The following THSD7B variants were observed in gnomAD, a reference collection of about 807,000 sequenced individuals.
THSD7B encodes the protein thrombospondin type 1 domain containing 7B, also known as thrombospondin type-1 domain-containing protein 7B.
Under a neutral mutation model 213.6 loss-of-function variants are expected in THSD7B, and 138 were observed. The observed-to-expected ratio is 0.65, with a 90% CI of 0.56 to 0.74. The LOEUF is 0.74. Ranked by LOEUF, THSD7B falls within the 30% of genes least tolerant of loss-of-function variation. The pLI is 0.00. For missense variants in THSD7B, 1,931 were observed against 1,991.5 expected (o/e 0.97, Z 0.58); for synonymous variants, 742 against 687.0 (o/e 1.08, Z -1.25).
chr2:137,324,995 C>T (rs1160121379), intron 12 of THSD7B, among the ~76,000 whole-genome samples: 1 of 152,118 alleles, frequency 6.6e-6, no homozygotes, highest in Non-Finnish European at 1.5e-5. Flanking sequence ...GTTCAGTTTC[C>T]ATGATATGAT....
rs116787537 is a variant in THSD7B, at chr2:137,227,251, A to G, written c.1724-3793A>G. On this transcript the variant is annotated intron_variant, in intron 7 of 27. Transcript: ENST00000409968. ...TTCAAAATCCCAAGTGACACGGTCA[A>G]AGCAGAACGATTTTCCATTTTTCCA... is the stretch of plus-strand genomic sequence containing the variant. Among the ~76,000 whole-genome samples, 251 of 152,332 alleles carry G rather than the reference A, an allele frequency of 1.6e-3. 1 individual carries two copies. The highest frequency in any genetic ancestry group is 5.9e-3 in the African/African-American group (244 of 41,584).
At chr2:136,807,508 C>CTTTTTTTTTTTTTTTTTTTTTTTT (rs1314267493) in intron 1 of THSD7B, among the ~76,000 whole-genome samples, 3 of 49,586 alleles carry the variant, frequency 6.1e-5, no homozygotes, top group African/African-American at 2.5e-4. Flanking sequence ...CAAAATGTTT[C>CTTTTTTTTTTTTTTTTTTTTTTTT]GTTTTTTTTT....
At chr2:137,328,913 A>C (rs920356067) in intron 12 of THSD7B, among the ~76,000 whole-genome samples, 8 of 152,210 alleles carry the variant, frequency 5.3e-5, no homozygotes, top group South Asian at 2.1e-4. Context: ...CTCCCCAGCC[A>C]TGCTGAACTG....
intron 3 of THSD7B, among the ~76,000 whole-genome samples, chr2:137,075,968 C>T (rs1687613016): frequency 6.6e-6 from 1 of 152,126 alleles, no homozygotes; most frequent in Admixed American, 6.5e-5. Flanking sequence ...GAGGAGTACC[C>T]GGCCGTGTAA....
intron 15 of THSD7B, among the ~76,000 whole-genome samples, chr2:137,458,833 C>T (rs1687822538): frequency 6.6e-6 from 1 of 152,094 alleles, no homozygotes; most frequent in African/African-American, 2.4e-5. Context: ...GCACTGTCTC[C>T]ATAAACTTTT....
intron 12 of THSD7B, among the ~76,000 whole-genome samples, chr2:137,391,769 C>A (rs1392525878): frequency 6.7e-6 from 1 of 149,320 alleles, no homozygotes; most frequent in Non-Finnish European, 1.5e-5. Context: ...CTTTTTATTT[C>A]TTTTCTTCTG....
At chr2:137,249,741 C>G (rs1328991188) in intron 10 of THSD7B, among the ~76,000 whole-genome samples, 2 of 152,206 alleles carry the variant, frequency 1.3e-5, no homozygotes, top group Admixed American at 6.5e-5. Flanking sequence ...GAAATCCAGG[C>G]TTCTCTCTGG....
intron 5 of THSD7B, 57 bp from the exon 6 acceptor site, chr2:137,160,156 G>A (rs904787164): frequency 2.0e-6 from 3 of 1,530,944 alleles, no homozygotes; most frequent in Admixed American, 2.0e-5. Context: ...AAAGGCAGAA[G>A]CAATGCTAAG....
intron 7 of THSD7B, among the ~76,000 whole-genome samples, chr2:137,192,279 A>G (rs1304711188): frequency 6.6e-6 from 1 of 152,208 alleles, no homozygotes; most frequent in Non-Finnish European, 1.5e-5. Flanking sequence ...GATACTGATG[A>G]TACATAAAGT....
At position 137,642,760 on chromosome 2, in the gene THSD7B, C is replaced by T; in HGVS notation, c.3945+127C>T. 5 of 1,103,230 alleles carry T rather than the reference C, an allele frequency of 4.5e-6. No homozygotes were observed. In the South Asian group the frequency reaches 6.6e-5, roughly 15 times the overall value. The allele number at this position is 1,103,230 out of a possible 1,614,324, so 68.3% of individuals were successfully genotyped here. On this transcript the variant is annotated intron_variant, in intron 21 of 27. Transcript: ENST00000409968. ...GGTCTGGCACAATGTATTTTTAATG[C>T]AATGCAGAACATGGAAAAATACAAC... is the stretch of plus-strand genomic sequence containing the variant.
Position 136,768,367 on chromosome 2 carries a change from A to G in THSD7B, c.-36+2680A>G, listed in dbSNP as rs559718260. ...AACTCACTTTAATTATACTTCACAA[A>G]TTGAAACTGGAGTTGTATGATTCCT... On this transcript the variant is annotated intron_variant, in intron 1 of 27. Transcript: ENST00000409968. Among the ~76,000 whole-genome samples, 3 of 152,324 alleles carry G rather than the reference A, an allele frequency of 2.0e-5. No individual in the cohort carries two copies. In the South Asian group the frequency reaches 6.2e-4, roughly 32 times the overall value.
intron 2 of THSD7B, among the ~76,000 whole-genome samples, chr2:136,940,763 TAGG>T (rs1225054223): frequency 4.1e-5 from 6 of 147,420 alleles, no homozygotes; most frequent in African/African-American, 1.2e-4. Context: ...TTCCCATTCT[TAGG>T]AGGAAAATAT....
chr2:137,284,943 C>T (rs1487709828), intron 12 of THSD7B, among the ~76,000 whole-genome samples: 1 of 152,038 alleles, frequency 6.6e-6, no homozygotes, highest in Non-Finnish European at 1.5e-5. Flanking sequence ...GAGTTTAATT[C>T]CTGGATATCC....
chr2:136,841,490 G>A (rs1228510996), intron 1 of THSD7B, among the ~76,000 whole-genome samples: 7 of 151,104 alleles, frequency 4.6e-5, no homozygotes, highest in South Asian at 2.1e-4. Context: ...CCAGCTACTC[G>A]GGAGGGTGAG....
At chr2:136,948,754 C>T (rs943166864) in intron 2 of THSD7B, among the ~76,000 whole-genome samples, 1 of 152,130 alleles carries the variant, frequency 6.6e-6, no homozygotes, top group African/African-American at 2.4e-5. Context: ...AGATGTTTTT[C>T]TTATTTAATT....
At chr2:137,574,671 C>A (rs1223907043) in intron 17 of THSD7B, among the ~76,000 whole-genome samples, 1 of 152,008 alleles carries the variant, frequency 6.6e-6, no homozygotes, top group Non-Finnish European at 1.5e-5. Context: ...ATGTAAACTT[C>A]AAAGTGAAAA....
At chr2:137,362,602 C>T (rs975921895) in intron 12 of THSD7B, among the ~76,000 whole-genome samples, 1 of 151,366 alleles carries the variant, frequency 6.6e-6, no homozygotes. Context: ...CTGACAAAAA[C>T]AGTCTTTAAA....
At chr2:137,315,164 G>T (rs1460278027) in intron 12 of THSD7B, among the ~76,000 whole-genome samples, 2 of 152,302 alleles carry the variant, frequency 1.3e-5, no homozygotes, top group East Asian at 1.9e-4. Flanking sequence ...GCGAGACTCC[G>T]TGGGCGTAGG....
At chr2:137,150,252 A>G (rs1271482009) in intron 5 of THSD7B, among the ~76,000 whole-genome samples, 1 of 148,268 alleles carries the variant, frequency 6.7e-6, no homozygotes, top group African/African-American at 2.5e-5. Context: ...CAAAAAAAAA[A>G]AAAAAGAAAA....
Sources: gnomAD v4.1 joint callset for allele counts (sites outside exome capture counted in the v4.1 genomes callset) on GRCh38, gnomAD v4.1.1 for gene constraint, MANE v1.5 for transcripts, NCBI Gene and HGNC (gene_info 2026-07-23, HGNC 2026-07-21) for gene names.